The following TMEFF1 variants were observed in gnomAD, a reference collection of about 807,000 sequenced individuals.
The protein encoded by TMEFF1 is transmembrane protein with EGF like and two follistatin like domains 1.
Under a neutral mutation model 47.5 loss-of-function variants are expected in TMEFF1, and 20 were observed. The observed-to-expected ratio is 0.42, with a 90% CI of 0.30 to 0.61. The LOEUF (loss-of-function observed/expected upper bound fraction) is 0.61, where lower values mean the gene tolerates loss of function less well. Among genes scored for constraint, TMEFF1 ranks in the 20% least tolerant of loss-of-function variants. The pLI is 0.19. For missense variants in TMEFF1, 411 were observed against 471.1 expected (o/e 0.87, Z 1.18); for synonymous variants, 162 against 166.3 (o/e 0.97, Z 0.20).
At chr9:100,511,487 A>G (rs1000477) in intron 3 of TMEFF1, among the ~76,000 whole-genome samples, 33,583 of 152,136 alleles carry the variant, frequency 0.22, 4,039 homozygotes, top group South Asian at 0.33. Flanking sequence ...TTGAATGAGC[A>G]AAGTTATAAG....
chr9:100,517,646 G>A (rs918534871), intron 5 of TMEFF1, among the ~76,000 whole-genome samples: 2 of 152,190 alleles, frequency 1.3e-5, no homozygotes, highest in Admixed American at 6.5e-5. Context: ...CAAAGTGGGT[G>A]AGAACTGGCA....
chr9:100,567,734 A>G (rs1839151373), intron 8 of TMEFF1, among the ~76,000 whole-genome samples: 1 of 152,226 alleles, frequency 6.6e-6, no homozygotes, highest in South Asian at 2.1e-4. Context: ...AAGAAGAAGT[A>G]ATAACCTAGA....
chr9:100,499,372 C>G (rs1300365766), intron 2 of TMEFF1, among the ~76,000 whole-genome samples: 1 of 152,146 alleles, frequency 6.6e-6, no homozygotes, highest in Non-Finnish European at 1.5e-5. Context: ...TTTTGCTTTT[C>G]AGATGCTCTT....
intron 5 of TMEFF1, among the ~76,000 whole-genome samples, chr9:100,543,117 A>G (rs894566914): frequency 9.9e-5 from 15 of 151,960 alleles, no homozygotes; most frequent in Non-Finnish European, 2.2e-4. Flanking sequence ...TAGTAGAGAC[A>G]GGGTGTCTCC....
intron 5 of TMEFF1, among the ~76,000 whole-genome samples, chr9:100,547,358 A>G (rs1331973683): frequency 6.6e-6 from 1 of 152,196 alleles, no homozygotes; most frequent in Non-Finnish European, 1.5e-5. Context: ...ACTAAGACTT[A>G]GAGGAAGAAT....
At chr9:100,506,408 T>A (rs1587826340) in intron 2 of TMEFF1, among the ~76,000 whole-genome samples, 1 of 152,158 alleles carries the variant, frequency 6.6e-6, no homozygotes, top group African/African-American at 2.4e-5. Context: ...TTTTATTTTA[T>A]ATTATCATAT....
intron 3 of TMEFF1, 44 bp downstream of exon 3, chr9:100,509,178 GA>G: frequency 1.4e-6 from 2 of 1,428,620 alleles, no homozygotes; most frequent in Non-Finnish European, 1.8e-6. Flanking sequence ...AAATATGGTG[GA>G]ATCATTTCTA....
intron 4 of TMEFF1, among the ~76,000 whole-genome samples, chr9:100,514,111 C>T (rs541716896): frequency 6.6e-6 from 1 of 151,966 alleles, no homozygotes; most frequent in East Asian, 1.9e-4. Flanking sequence ...ATGGGGTACA[C>T]CAAAGAACAC....
rs1005622283 is a variant in TMEFF1 at position 100,492,320 on chromosome 9, C to T, written c.197-6445C>T. Reference sequence around the variant, plus strand: ...TAGGTTTTTTTTAAAAAGTAGCTCACCTTATTCAAGTCTTTGAGTTTAGTT... The same window carrying T: ...TAGGTTTTTTTTAAAAAGTAGCTCATCTTATTCAAGTCTTTGAGTTTAGTT... On this transcript the variant is annotated intron_variant, in intron 1 of 9. Transcript: ENST00000374879. Among the ~76,000 whole-genome samples the T allele has an allele frequency of 3.3e-5, 5 of 152,284 alleles. No individual in the cohort carries two copies. The East Asian group carries it at 9.6e-4, about 29-fold the overall frequency.
rs562685377 is a variant in TMEFF1 at position 100,564,497 on chromosome 9, A to G, written c.899+2977A>G. Among the ~76,000 whole-genome samples the G allele has an allele frequency of 1.3e-5, 2 of 152,346 alleles. 1 individual carries two copies. Among genetic ancestry groups the G allele is most frequent in the African/African-American group, 4.8e-5 (2 of 41,586 alleles). On this transcript the variant is annotated intron_variant, in intron 8 of 9. Transcript: ENST00000374879. ...GGATCTTGCCTTTAAAAAGCATACA[A>G]CCTGGTGAAAGAGACCGACAAATAA...
rs181858371 is a variant in TMEFF1, at chr9:100,558,935, T to C, written c.776-2462T>C. On this transcript the variant is annotated intron_variant, in intron 7 of 9. Coordinates refer to ENST00000374879, the MANE Select transcript of TMEFF1 (RefSeq NM_003692.5). ...TAGACATCACTGTCATCTTCATTTC[T>C]CAGATTAAAAACCTGAGGGCCAGAA... is the stretch of plus-strand genomic sequence containing the variant. Among the ~76,000 whole-genome samples, 4 of 152,254 alleles carry C rather than the reference T, an allele frequency of 2.6e-5. No individual in the cohort carries two copies. In the East Asian group the frequency reaches 7.7e-4, roughly 29 times the overall value.
chr9:100,497,206 C>T (rs1837666046), intron 1 of TMEFF1, among the ~76,000 whole-genome samples: 1 of 151,872 alleles, frequency 6.6e-6, no homozygotes, highest in Admixed American at 6.6e-5. Flanking sequence ...GCTTCCACAG[C>T]CAGGGTGATG....
intron 5 of TMEFF1, among the ~76,000 whole-genome samples, chr9:100,529,997 G>A (rs559940428): frequency 1.3e-5 from 2 of 151,812 alleles, no homozygotes; most frequent in South Asian, 4.2e-4. Flanking sequence ...ATGACTACTG[G>A]GTACATAACG....
At chr9:100,556,721 T>C (rs1330829934) in intron 7 of TMEFF1, among the ~76,000 whole-genome samples, 1 of 152,186 alleles carries the variant, frequency 6.6e-6, no homozygotes, top group Non-Finnish European at 1.5e-5. Flanking sequence ...CAGATCTGAG[T>C]TTCTGAGCTC....
chr9:100,507,473 A>G (rs55693063), intron 2 of TMEFF1, among the ~76,000 whole-genome samples: 3,830 of 152,212 alleles, frequency 0.025, 62 homozygotes, highest in Middle Eastern at 0.034. Flanking sequence ...TTACATTCCC[A>G]CCTGTGTAGC....
intron 1 of TMEFF1, among the ~76,000 whole-genome samples, chr9:100,474,784 C>G (rs562561970): frequency 3.3e-5 from 5 of 152,196 alleles, no homozygotes; most frequent in African/African-American, 1.2e-4. Flanking sequence ...TCCCCTCTCT[C>G]CAAGGCCGCT....
chr9:100,501,116 A>C (rs1837749582), intron 2 of TMEFF1, among the ~76,000 whole-genome samples: 1 of 152,180 alleles, frequency 6.6e-6, no homozygotes, highest in Admixed American at 6.5e-5. Context: ...CATTAAAAGA[A>C]AGGTGGTGGG....
intron 5 of TMEFF1, among the ~76,000 whole-genome samples, chr9:100,519,921 T>C (rs1838135145): frequency 6.6e-6 from 1 of 152,134 alleles, no homozygotes; most frequent in African/African-American, 2.4e-5. Context: ...CACATGGTAC[T>C]AATAAATATT....
chr9:100,559,950 GT>G (rs36118388), intron 7 of TMEFF1, among the ~76,000 whole-genome samples: 3,815 of 151,920 alleles, frequency 0.025, 60 homozygotes, highest in Middle Eastern at 0.037. Flanking sequence ...AATCATTAAG[GT>G]TTTTTTCTGT....
Sources: gnomAD v4.1 joint callset for allele counts (sites outside exome capture counted in the v4.1 genomes callset) on GRCh38, gnomAD v4.1.1 for gene constraint, MANE v1.5 for transcripts, NCBI Gene and HGNC (gene_info 2026-07-23, HGNC 2026-07-21) for gene names.